The following MEIKIN variants were observed in gnomAD, a reference collection of about 807,000 sequenced individuals.
MEIKIN encodes meiosis-specific kinetochore protein.
chr5:131,910,808 T>C (rs573717934), intron 8 of MEIKIN, among the ~76,000 whole-genome samples: 1 of 152,202 alleles, frequency 6.6e-6, no homozygotes, highest in South Asian at 2.1e-4. Flanking sequence ...TTTTAAATTT[T>C]AAGTTACCAT....
intron 10 of MEIKIN, among the ~76,000 whole-genome samples, chr5:131,853,488 G>A (rs1750147907): frequency 6.6e-6 from 1 of 152,078 alleles, no homozygotes; most frequent in African/African-American, 2.4e-5. Flanking sequence ...AAGAACAGGT[G>A]AGAAAAGAAA....
At chr5:131,915,872 G>C (rs1751408223) in intron 7 of MEIKIN, among the ~76,000 whole-genome samples, 1 of 152,016 alleles carries the variant, frequency 6.6e-6, no homozygotes, top group Non-Finnish European at 1.5e-5. Flanking sequence ...TTCAAAGAGA[G>C]GTCAGTATTT....
At chr5:131,940,297 C>A (rs1020985913) in intron 4 of MEIKIN, among the ~76,000 whole-genome samples, 1 of 152,190 alleles carries the variant, frequency 6.6e-6, no homozygotes, top group Non-Finnish European at 1.5e-5. Context: ...TGTTCTTTTG[C>A]ACTGCATTCT....
chr5:131,911,193 T>C (rs1751330501), intron 8 of MEIKIN, among the ~76,000 whole-genome samples: 1 of 152,084 alleles, frequency 6.6e-6, no homozygotes, highest in East Asian at 1.9e-4. Flanking sequence ...TGTGTGGCAT[T>C]TAGTAAATGC....
chr5:131,878,460 G>A lies in MEIKIN; in HGVS notation c.774+518C>T, dbSNP rs533629267. Among the ~76,000 whole-genome samples the A allele has an allele frequency of 5.3e-5, 8 of 152,220 alleles. No individual in the cohort carries two copies. In the South Asian group the frequency reaches 8.3e-4, roughly 16 times the overall value. On this transcript the variant is annotated intron_variant, in intron 9 of 12. Transcript: ENST00000442687. ...CAGGCACCCGTAGTCCCAGCTACTC[G>A]GGAGGCTGAGGCAGGAGAATGGCAT... is the stretch of plus-strand genomic sequence containing the variant.
At position 131,856,247 on chromosome 5, in the gene MEIKIN, T is replaced by C. The variant is rs539779898; in HGVS notation, c.775-1413A>G. Among the ~76,000 whole-genome samples the C allele has an allele frequency of 7.9e-5, 12 of 152,268 alleles. No homozygotes were observed. In the East Asian group the frequency reaches 1.3e-3, roughly 17 times the overall value. The stretch of plus-strand genomic sequence containing the variant: ...TGTGATGCAAGGGTTACAAATAATA[T>C]ATGTAAAAAGAACCTATGGTGTCTG... On this transcript the variant is annotated intron_variant, in intron 9 of 12. Transcript: ENST00000442687.
chr5:131,938,784 C>T (rs1020883211), intron 4 of MEIKIN, among the ~76,000 whole-genome samples: 3 of 152,106 alleles, frequency 2.0e-5, no homozygotes, highest in Non-Finnish European at 4.4e-5. Flanking sequence ...TGTCATTGTC[C>T]TTCAAGTTTC....
At chr5:131,924,099 G>A (rs1022082710) in intron 5 of MEIKIN, among the ~76,000 whole-genome samples, 2 of 151,896 alleles carry the variant, frequency 1.3e-5, no homozygotes, top group African/African-American at 2.4e-5. Context: ...CTCTGTGACT[G>A]GCTTATTTCA....
chr5:131,821,959 A>G lies in MEIKIN; in HGVS notation c.976-3096T>C, dbSNP rs917385216. On this transcript the variant is annotated intron_variant, in intron 11 of 12. Transcript: ENST00000442687. ...AGCTCTACTAATATTTGCTTTATAT[A>G]TCTGGGTGCTCCAGTGTTAGGTGCA... Among the ~76,000 whole-genome samples the G allele has an allele frequency of 2.3e-4, 35 of 152,064 alleles. 1 individual carries two copies.
chr5:131,922,739 G>A (rs1305060790), intron 5 of MEIKIN, among the ~76,000 whole-genome samples: 1 of 151,970 alleles, frequency 6.6e-6, no homozygotes, highest in Admixed American at 6.6e-5. Flanking sequence ...TTCCCATATT[G>A]TTATATCATA....
At chr5:131,903,505 T>G (rs1751193062) in intron 8 of MEIKIN, among the ~76,000 whole-genome samples, 1 of 152,136 alleles carries the variant, frequency 6.6e-6, no homozygotes, top group Non-Finnish European at 1.5e-5. Flanking sequence ...TTCAGCATTA[T>G]AAAAGAAAAT....
At chr5:131,827,787 A>C (rs1020864629) in intron 11 of MEIKIN, among the ~76,000 whole-genome samples, 2 of 152,258 alleles carry the variant, frequency 1.3e-5, no homozygotes, top group Non-Finnish European at 2.9e-5. Context: ...GGCTAATTTC[A>C]ACACATTATC....
At position 131,874,471 on chromosome 5, in the gene MEIKIN, G is replaced by C. The variant is rs558086769; in HGVS notation, c.774+4507C>G. On this transcript the variant is annotated intron_variant, in intron 9 of 12. Coordinates refer to ENST00000442687, the MANE Select transcript of MEIKIN (RefSeq NM_001303622.2). ...GAAGAAGTTGAATCTCTGAATAGAC[G>C]AATAACAGGCTCTGAAATTGAGGCA... Among the ~76,000 whole-genome samples, 137 of 152,198 alleles carry C rather than the reference G, an allele frequency of 9.0e-4. 1 individual carries two copies. Among genetic ancestry groups the C allele is most frequent in the African/African-American group, 2.7e-3 (114 of 41,542 alleles).
chr5:131,887,589 G>A (rs115809048), intron 8 of MEIKIN, among the ~76,000 whole-genome samples: 3,563 of 152,220 alleles, frequency 0.023, 68 homozygotes, highest in Middle Eastern at 0.14. Flanking sequence ...GATGACCAGC[G>A]ATGATGAGCA....
At chr5:131,935,075 GA>G (rs1048027688) in intron 4 of MEIKIN, among the ~76,000 whole-genome samples, 38 of 132,564 alleles carry the variant, frequency 2.9e-4, no homozygotes, top group Admixed American at 3.8e-4. Flanking sequence ...AAAGAAAAAA[GA>G]AAAAAAAAAA....
intron 10 of MEIKIN, 135 bp downstream of exon 10, chr5:131,854,619 A>C (rs1350070867): frequency 2.6e-6 from 1 of 389,408 alleles, no homozygotes; most frequent in Non-Finnish European, 4.5e-6. Flanking sequence ...CTTTCATTGA[A>C]AGTGTGCTTA....
rs1385830961 is a variant in MEIKIN at position 131,813,211 on chromosome 5, G to A, written c.1099+5529C>T. Among the ~76,000 whole-genome samples, 6 of 152,296 alleles carry A rather than the reference G, an allele frequency of 3.9e-5. No individual in the cohort carries two copies. In the South Asian group the frequency reaches 1.2e-3, roughly 32 times the overall value. On this transcript the variant is annotated intron_variant, in intron 12 of 12. Transcript: ENST00000442687. ...CATGAGGAGTTCTCTACAATCAGTT[G>A]ACTGAGGAAGAGAAAACTCATATTT...
Position 131,916,185 on chromosome 5 carries a change from G to A in MEIKIN, c.638+701C>T, listed in dbSNP as rs186810359. ...AATATTACATTATAAATTGTGGAAG[G>A]AATTTTTTAAGCAAGTCCATCATCA... On this transcript the variant is annotated intron_variant, in intron 7 of 12. Transcript: ENST00000442687. Among the ~76,000 whole-genome samples, 729 of 152,130 alleles carry A rather than the reference G, an allele frequency of 4.8e-3. 5 individuals carry two copies. Among genetic ancestry groups the A allele is most frequent in the African/African-American group, 0.017 (690 of 41,508 alleles).
At chr5:131,893,376 A>C (rs1489745048) in intron 8 of MEIKIN, among the ~76,000 whole-genome samples, 1 of 152,244 alleles carries the variant, frequency 6.6e-6, no homozygotes, top group East Asian at 1.9e-4. Flanking sequence ...CCATGGGCGT[A>C]GGACCCTCTG....
Sources: gnomAD v4.1 joint callset for allele counts (sites outside exome capture counted in the v4.1 genomes callset) on GRCh38, gnomAD v4.1.1 for gene constraint, MANE v1.5 for transcripts, NCBI Gene and HGNC (gene_info 2026-07-23, HGNC 2026-07-21) for gene names.